USP42: variants seen among roughly 807,000 people sequenced by gnomAD.
The protein encoded by USP42 is ubiquitin carboxyl-terminal hydrolase 42.
In USP42, 23 loss-of-function variants were observed where a neutral mutation model predicts 113.0. The observed-to-expected ratio is 0.20, with a 90% CI of 0.15 to 0.29. USP42 has a LOEUF of 0.29. USP42 is among the 10% of genes least tolerant of loss of function. USP42 has a pLI of 1.00. For synonymous variants in USP42, 933 were observed against 699.0 expected, an observed-to-expected ratio of 1.33 and a Z score of -5.28; for missense variants, 2,174 against 1,779.8, an observed-to-expected ratio of 1.22 and a Z score of -3.99.
rs185499132 is a variant in USP42, at chr7:6,143,182, G to A, written c.878+168G>A. Among the ~76,000 whole-genome samples, 425 of 152,278 alleles carry A rather than the reference G, an allele frequency of 2.8e-3. 9 individuals carry two copies. Among genetic ancestry groups the A allele is most frequent in the Non-Finnish European group, 1.3e-3 (91 of 68,022 alleles). ...AGGCGAGAGCCCGGAGTGTCTTGATGTGTGTGTTTCTGCAAGATGCGCAGC... is the reference window on the plus strand; with the variant it reads ...AGGCGAGAGCCCGGAGTGTCTTGATATGTGTGTTTCTGCAAGATGCGCAGC... On this transcript the variant is annotated intron_variant, in intron 8 of 17. Coordinates refer to ENST00000306177, the MANE Select transcript of USP42 (RefSeq NM_032172.3).
chr7:6,152,920 G>C (rs1482913228), intron 14 of USP42: 2 of 985,220 alleles, frequency 2.0e-6, no homozygotes, highest in African/African-American at 1.7e-5. Context: ...GAGAGGAAAG[G>C]AGGAGGCCCT....
intron 3 of USP42, chr7:6,117,062 C>T (rs1465808384): frequency 3.3e-6 from 1 of 304,712 alleles, no homozygotes; most frequent in Admixed American, 5.2e-5. Context: ...TACCAAATTA[C>T]ACATATTTAA....
chr7:6,137,606 T>C (rs1169395651), intron 4 of USP42, among the ~76,000 whole-genome samples: 1 of 152,104 alleles, frequency 6.6e-6, no homozygotes, highest in Non-Finnish European at 1.5e-5. Flanking sequence ...GATCCACCCG[T>C]CTTGGCCTCC....
chr7:6,112,199 A>G (rs1779632634), intron 2 of USP42, among the ~76,000 whole-genome samples: 1 of 152,162 alleles, frequency 6.6e-6, no homozygotes, highest in African/African-American at 2.4e-5. Context: ...CTGTTATCCC[A>G]GCACTTTGGG....
chr7:6,107,181 T>G (rs1485083402), intron 1 of USP42, among the ~76,000 whole-genome samples: 1 of 152,198 alleles, frequency 6.6e-6, no homozygotes, highest in Non-Finnish European at 1.5e-5. Context: ...TGACTTGAAT[T>G]GTGCTTTCGT....
chr7:6,137,054 A>G (rs1359620829), intron 4 of USP42, among the ~76,000 whole-genome samples: 2 of 152,226 alleles, frequency 1.3e-5, no homozygotes, highest in Non-Finnish European at 2.9e-5. Context: ...ATTTTCTTAC[A>G]TTCTGTGTGT....
the USP42 span, among the ~76,000 whole-genome samples, chr7:6,099,153 C>G: frequency 6.7e-6 from 1 of 148,810 alleles, no homozygotes; most frequent in Non-Finnish European, 1.5e-5. Flanking sequence ...AGGCTCTGCT[C>G]TCTGGCTTTC....
intron 11 of USP42, among the ~76,000 whole-genome samples, chr7:6,147,521 G>A (rs111768097): frequency 7.2e-5 from 11 of 152,348 alleles, no homozygotes; most frequent in African/African-American, 2.6e-4. Context: ...ACAGTTTAAA[G>A]AACGTCATTT....
rs767952471 is a variant in USP42, at chr7:6,154,489, C to T, written c.2935C>T (p.Arg979Trp). Reference sequence around the variant, plus strand: ...GAGCAAGACTGAGGGCCACCGTCACCGGCGGCGCCGCACCTGCCCCCGGGA... The same window carrying T: ...GAGCAAGACTGAGGGCCACCGTCACTGGCGGCGCCGCACCTGCCCCCGGGA... ...SRSKTEGHRH[R>W]RRRTCPRERD... is the part of the protein sequence containing the mutation. Residue 979 changes from arginine (R) to tryptophan (W), a missense_variant, in exon 15 of 18, where the codon CGG becomes TGG. Coordinates refer to ENST00000306177, the MANE Select transcript of USP42 (RefSeq NM_032172.3). 3.9e-6 allele frequency: 6 copies of T among 1,546,872 alleles called. No homozygotes were observed. Among genetic ancestry groups the T allele is most frequent in the South Asian group, 2.4e-5 (2 of 83,986 alleles).
chr7:6,158,642 G>C lies in USP42; in HGVS notation c.3944-808G>C, dbSNP rs1330130878. On this transcript the variant is annotated intron_variant, in intron 16 of 17. Transcript: ENST00000306177. The surrounding 1 kb of genome is among the most constrained non-coding windows in gnomAD (Gnocchi z 4.2). ...CAGCCGGAGATGAGGACAGGCACCA[G>C]CACTGCCGGTGAGGACGGGTTGCCT... Among the ~76,000 whole-genome samples the C allele has an allele frequency of 2.6e-5, 4 of 152,256 alleles. No individual in the cohort carries two copies. Among genetic ancestry groups the C allele is most frequent in the Non-Finnish European group, 5.9e-5 (4 of 68,050 alleles).
intron 3 of USP42, among the ~76,000 whole-genome samples, chr7:6,125,010 G>A (rs969809909): frequency 6.6e-6 from 1 of 151,418 alleles, no homozygotes; most frequent in African/African-American, 2.4e-5. Context: ...GCAAAACCCC[G>A]TCTCTACTGA....
chr7:6,123,872 C>T lies in USP42; in HGVS notation c.442+8349C>T, dbSNP rs200973544. Among the ~76,000 whole-genome samples the T allele has an allele frequency of 5.7e-5, 8 of 140,584 alleles. No homozygotes were observed. The East Asian group carries it at 1.6e-3, about 28-fold the overall frequency. The allele number at this position is 140,584 out of a possible 152,430, so 92.2% of individuals were successfully genotyped here. A position where few individuals can be genotyped will look rare whatever the true frequency, so the allele number is the denominator to read the frequency against. On this transcript the variant is annotated intron_variant, in intron 3 of 17. Transcript: ENST00000306177. ...AAAAAGCCACTCCAGTTTTCTTTTT[C>T]GTATCGTTTCTCTTTTTTTTTGAGG...
chr7:6,104,642 G>C (rs1331861929), upstream of USP42, among the ~76,000 whole-genome samples: 6 of 152,144 alleles, frequency 3.9e-5, no homozygotes, highest in African/African-American at 1.4e-4. Context: ...GGAAGCACAG[G>C]GCGGAAGGAG....
In USP42 at chr7:6,147,982, C is replaced by T. The variant is rs748647729; in HGVS notation, c.1386+90C>T. 53 of 1,278,458 alleles carry T rather than the reference C, an allele frequency of 4.1e-5. No homozygotes were observed. The Middle Eastern group carries it at 7.8e-4, about 19-fold the overall frequency. 79.2% of individuals were successfully genotyped at this position (1,278,458 alleles called of 1,614,324 possible). ...AGTTGAATTGTAGTGGTTGCTGTGT[C>T]CTCAAATACATCTGAATTTCTTCTC... On this transcript the variant is annotated intron_variant, in intron 12 of 17. Transcript: ENST00000306177.
rs79871589 is a variant in USP42, at chr7:6,154,277, C to T, written c.2723C>T (p.Pro908Leu). Reference protein sequence around the residue: ...RPPAPVLDMAPAGHPEGDAEP... With the variant: ...RPPAPVLDMALAGHPEGDAEP... ...CCAGCTCCTGTGCTGGACATGGCCCCGGCCGGTCACCCGGAAGGGGACGCT... is the reference window on the plus strand; with the variant it reads ...CCAGCTCCTGTGCTGGACATGGCCCTGGCCGGTCACCCGGAAGGGGACGCT... The change falls in exon 15 of 18, where the codon CCG becomes CTG. Residue 908 changes from proline (P) to leucine (L), a missense_variant. Transcript: ENST00000306177. The T allele has an allele frequency of 1.4e-3, 2,262 of 1,595,298 alleles. 20 individuals carry two copies. The African/African-American group carries it at 0.026, about 18-fold the overall frequency.
At position 6,111,394 on chromosome 7, in the gene USP42, A is replaced by G. The variant is rs1036466780; in HGVS notation, c.241+20A>G. The G allele has an allele frequency of 2.5e-6, 4 of 1,604,198 alleles. No individual in the cohort carries two copies. In the African/African-American group the frequency reaches 4.0e-5, roughly 16 times the overall value. On this transcript the variant is annotated intron_variant, in intron 2 of 17. Coordinates refer to ENST00000306177, the MANE Select transcript of USP42 (RefSeq NM_032172.3). Reference sequence around the variant, plus strand: ...ATCAAGGTACTGTTTTTCAAAAGAGAGAATTACCGCCAGAAACTCCTGTGT... The same window carrying G: ...ATCAAGGTACTGTTTTTCAAAAGAGGGAATTACCGCCAGAAACTCCTGTGT...
At chr7:6,132,335 AT>A (rs1163409917) in intron 3 of USP42, among the ~76,000 whole-genome samples, 3 of 151,786 alleles carry the variant, frequency 2.0e-5, no homozygotes, top group African/African-American at 7.3e-5. Context: ...ATACATAATG[AT>A]TTTTTGCTTT....
At chr7:6,120,275 C>G (rs1208675046) in intron 3 of USP42, among the ~76,000 whole-genome samples, 1 of 151,800 alleles carries the variant, frequency 6.6e-6, no homozygotes, top group Non-Finnish European at 1.5e-5. Context: ...TTTTTATTTG[C>G]TCTGTCACTC....
At chr7:6,135,764 C>T in intron 3 of USP42, 77 bp from the exon 4 acceptor site, 2 of 665,660 alleles carry the variant, frequency 3.0e-6, no homozygotes, top group Non-Finnish European at 4.8e-6. Flanking sequence ...AGGTGTGTGC[C>T]CCTGATTTGT....
Sources: allele counts gnomAD v4.1 joint callset (sites outside exome capture counted in the v4.1 genomes callset), GRCh38; gene constraint gnomAD v4.1.1; non-coding constraint Gnocchi (gnomAD v3.1); transcripts MANE v1.5; gene names NCBI Gene and HGNC (gene_info 2026-07-23, HGNC 2026-07-21).